GALK2: variants seen among roughly 807,000 people sequenced by gnomAD.
GALK2 encodes the protein galactokinase 2.
In GALK2, 36 loss-of-function variants were observed where a neutral mutation model predicts 52.4. The observed-to-expected ratio is 0.69, with a 90% CI of 0.53 to 0.91. GALK2 has a LOEUF of 0.91. Among genes scored for constraint, GALK2 ranks in the 40% least tolerant of loss-of-function variants. The pLI, the probability that GALK2 is intolerant of heterozygous loss-of-function variation, is 0.00. For synonymous variants in GALK2, 176 were observed against 199.1 expected (o/e 0.88, Z 0.98); for missense variants, 579 against 559.1 (o/e 1.04, Z -0.36).
chr15:49,301,467 A>G (rs1158766461), intron 8 of GALK2, among the ~76,000 whole-genome samples: 1 of 152,120 alleles, frequency 6.6e-6, no homozygotes, highest in Non-Finnish European at 1.5e-5. Context: ...GATGTTTCCC[A>G]TGGTGTGACC....
chr15:49,192,473 TTATA>T (rs1228381589), intron 1 of GALK2, among the ~76,000 whole-genome samples: 1 of 82,394 alleles, frequency 1.2e-5, no homozygotes, highest in East Asian at 3.1e-4. Flanking sequence ...GCAATGAATA[TTATA>T]TATATATGTA....
intron 3 of GALK2, among the ~76,000 whole-genome samples, chr15:49,228,678 TATATATA>T (rs2090293589): frequency 6.3e-5 from 1 of 15,844 alleles, no homozygotes; most frequent in African/African-American, 2.6e-4. Context: ...TATATATATA[TATATATA>T]TATTTTTTTT....
chr15:49,313,206 A>C (rs2036135653), intron 8 of GALK2, among the ~76,000 whole-genome samples: 1 of 152,200 alleles, frequency 6.6e-6, no homozygotes, highest in African/African-American at 2.4e-5. Flanking sequence ...CAGTTTTCCA[A>C]AAGTAAGTAG....
rs1194035609 is a variant in GALK2 at position 49,296,654 on chromosome 15, C to T, written c.967+4117C>T. ...TCACTCTGTAGCCTAGGCTGGAGTG[C>T]AGTGATGCGATCTTGGCTCACTGAA... On this transcript the variant is annotated intron_variant, in intron 8 of 9. Coordinates refer to ENST00000560031, the MANE Select transcript of GALK2 (RefSeq NM_002044.4). Among the ~76,000 whole-genome samples, 5 of 151,704 alleles carry T rather than the reference C, an allele frequency of 3.3e-5. No homozygotes were observed. In the East Asian group the frequency reaches 9.7e-4, roughly 29 times the overall value.
intron 8 of GALK2, among the ~76,000 whole-genome samples, chr15:49,295,333 C>CTA (rs35056008): frequency 0.14 from 19,879 of 146,886 alleles, 2,368 homozygotes; most frequent in African/African-American, 0.33. Flanking sequence ...CTCTCTCTAT[C>CTA]TATATATATA....
intron 1 of GALK2, chr15:49,156,936 AC>A: frequency 2.6e-6 from 1 of 384,062 alleles, no homozygotes; most frequent in Non-Finnish European, 4.8e-6. Context: ...TATGTTAATT[AC>A]CAAGTGTTTA....
chr15:49,319,008 C>T (rs139490088), intron 8 of GALK2: 6,483 of 436,880 alleles, frequency 0.015, 93 homozygotes, highest in African/African-American at 0.027. Flanking sequence ...TGGAGTGCAA[C>T]GGCGTGATCT....
chr15:49,219,267 T>C (rs2089618433), intron 3 of GALK2, among the ~76,000 whole-genome samples: 1 of 152,194 alleles, frequency 6.6e-6, no homozygotes, highest in African/African-American at 2.4e-5. Context: ...CATGCTGTTC[T>C]TGTGATAATG....
At chr15:49,350,383 A>G (rs2042068621) in intron 3 of GALK2, among the ~76,000 whole-genome samples, 1 of 152,238 alleles carries the variant, frequency 6.6e-6, no homozygotes, top group Admixed American at 6.5e-5. Flanking sequence ...CTGTGTGCAC[A>G]TACTTATATT....
exon 4 of GALK2, chr15:49,367,667 G>T: frequency 7.0e-7 from 1 of 1,423,208 alleles, no homozygotes; most frequent in Non-Finnish European, 9.4e-7. Context: ...AAAAAACTGT[G>T]AATAAAATAT....
chr15:49,356,957 A>T (rs2043265220), intron 3 of GALK2, among the ~76,000 whole-genome samples: 1 of 150,200 alleles, frequency 6.7e-6, no homozygotes, highest in South Asian at 2.1e-4. Flanking sequence ...ACTACATGGA[A>T]ACTGAACAAC....
At chr15:49,177,427 A>C (rs1046882383) in intron 1 of GALK2, among the ~76,000 whole-genome samples, 1 of 152,260 alleles carries the variant, frequency 6.6e-6, no homozygotes, top group Non-Finnish European at 1.5e-5. Context: ...TACTAGAAAC[A>C]AGAGACATCA....
At chr15:49,159,452 G>C (rs761680578) in intron 1 of GALK2, among the ~76,000 whole-genome samples, 1 of 151,758 alleles carries the variant, frequency 6.6e-6, no homozygotes, top group Non-Finnish European at 1.5e-5. Flanking sequence ...ATGGTGGCGG[G>C]TGCCTGTAAT....
intron 1 of GALK2, chr15:49,195,252 T>C (rs1247084573): frequency 5.9e-6 from 2 of 338,840 alleles, no homozygotes; most frequent in South Asian, 2.2e-5. Context: ...TTTGTATTTT[T>C]AGTAGAGATG....
At chr15:49,180,877 G>A (rs143134716) in intron 1 of GALK2, among the ~76,000 whole-genome samples, 8 of 151,954 alleles carry the variant, frequency 5.3e-5, no homozygotes, top group Non-Finnish European at 1.2e-4. Context: ...TTTATCTTAC[G>A]GCTCATATCA....
At position 49,343,468 on chromosome 15, in the gene GALK2, G is replaced by C. The variant is rs1325663916; in HGVS notation, c.426+23663G>C. On this transcript the variant is annotated intron_variant, in intron 3 of 3. Coordinates refer to the GALK2 transcript ENST00000558399. ...TGACTTTCAACACACTCTAGTGCCTGTGTTTAAGGCTGTTGAGCAAGATGG... is the reference window on the plus strand; with the variant it reads ...TGACTTTCAACACACTCTAGTGCCTCTGTTTAAGGCTGTTGAGCAAGATGG... 3.3e-5 allele frequency: 5 copies of C among 152,184 alleles called. No individual in the cohort carries two copies. In the East Asian group the frequency reaches 9.7e-4, roughly 29 times the overall value. The allele number at this position is 152,184 out of a possible 1,614,324, so 9.4% of individuals were successfully genotyped here.
intron 5 of GALK2, among the ~76,000 whole-genome samples, chr15:49,254,997 C>CT (rs915300995): frequency 3.5e-5 from 5 of 143,524 alleles, no homozygotes; most frequent in African/African-American, 1.2e-4. Context: ...TTTCTCTCTA[C>CT]TTTTTTTTCT....
intron 8 of GALK2, among the ~76,000 whole-genome samples, chr15:49,310,718 A>AT (rs1567048400): frequency 6.6e-6 from 1 of 151,764 alleles, no homozygotes; most frequent in Admixed American, 6.6e-5. Flanking sequence ...CCCTTTGCCT[A>AT]TTTTTTAATT....
At chr15:49,294,160 TAAA>T (rs1193382417) in intron 8 of GALK2, among the ~76,000 whole-genome samples, 15 of 149,332 alleles carry the variant, frequency 1.0e-4, no homozygotes, top group Admixed American at 9.3e-4. Context: ...AATAAATAAA[TAAA>T]TAAATAAATA....
Sources: gnomAD v4.1 joint callset for allele counts (sites outside exome capture counted in the v4.1 genomes callset) on GRCh38, gnomAD v4.1.1 for gene constraint, MANE v1.5 for transcripts, NCBI Gene and HGNC (gene_info 2026-07-23, HGNC 2026-07-21) for gene names.